Variants in ITPR2 observed in about 807,000 individuals in gnomAD.
The protein encoded by ITPR2 is inositol 1,4,5-trisphosphate receptor type 2.
A neutral mutation model predicts 317.1 loss-of-function variants in ITPR2; 207 were observed. That is an observed-to-expected ratio of 0.65 (90% CI 0.58 to 0.73). The LOEUF (loss-of-function observed/expected upper bound fraction) is 0.73, where lower values mean the gene tolerates loss of function less well. Ranked by LOEUF, ITPR2 falls within the 30% of genes least tolerant of loss-of-function variation. The pLI is 0.00. For synonymous variants in ITPR2, 1,156 were observed against 1,149.1 expected (o/e 1.01, Z -0.12); for missense variants, 2,613 against 3,284.0 (o/e 0.80, Z 4.99).
intron 37 of ITPR2, among the ~76,000 whole-genome samples, chr12:26,529,240 C>A (rs1943889316): frequency 6.6e-6 from 1 of 152,188 alleles, no homozygotes; most frequent in Non-Finnish European, 1.5e-5. Flanking sequence ...GAAACTCAGA[C>A]AACATCAAAG....
chr12:26,803,447 T>C (rs1950594930), intron 1 of ITPR2, among the ~76,000 whole-genome samples: 1 of 152,114 alleles, frequency 6.6e-6, no homozygotes, highest in East Asian at 1.9e-4. Flanking sequence ...AGTGATGATA[T>C]AGCAGAAAGA....
intron 34 of ITPR2, among the ~76,000 whole-genome samples, chr12:26,567,984 A>ATATATATATAT (rs1591910633): frequency 1.9e-4 from 2 of 10,798 alleles, no homozygotes; most frequent in Non-Finnish European, 4.8e-4. Context: ...TATATTATAT[A>ATATATATATAT]TATATATATA....
At chr12:26,580,709 TGGAAG>T (rs1565618048) in intron 32 of ITPR2, among the ~76,000 whole-genome samples, 1 of 152,116 alleles carries the variant, frequency 6.6e-6, no homozygotes, top group Admixed American at 6.6e-5. Context: ...CTAAGAAGCA[TGGAAG>T]TATAGGTTTG....
At chr12:26,510,461 A>G (rs1943312438) in intron 37 of ITPR2, among the ~76,000 whole-genome samples, 1 of 152,254 alleles carries the variant, frequency 6.6e-6, no homozygotes, top group Non-Finnish European at 1.5e-5. Flanking sequence ...ACCTGACCAC[A>G]CACCTGTTTA....
Position 26,443,566 on chromosome 12 carries a change from C to A in ITPR2, c.6427G>T (p.Ala2143Ser). 2.5e-6 allele frequency: 4 copies of A among 1,612,410 alleles called. No individual in the cohort carries two copies. The highest frequency in any genetic ancestry group is 1.1e-5 in the South Asian group (1 of 91,048). Reference sequence around the variant, plus strand: ...ACCTCAATCTGTGCAGTGTGGTTGGCATAATACTTTAAGGCTTCATCTCCT... The same window carrying A: ...ACCTCAATCTGTGCAGTGTGGTTGGAATAATACTTTAAGGCTTCATCTCCT... ...DEGDEALKYY[A>S]NHTAQIEIVR... Residue 2143 changes from alanine to serine, a missense_variant, in exon 46 of 57, where the codon GCC becomes TCC. Around this residue, in one of 9 missense-constraint regions of ITPR2, gnomAD observed 926 missense variants for 1,072.8 expected, o/e 0.86. Transcript: ENST00000381340.
chr12:26,704,614 A>C (rs558742848), intron 9 of ITPR2, among the ~76,000 whole-genome samples: 2 of 151,678 alleles, frequency 1.3e-5, no homozygotes, highest in Non-Finnish European at 2.9e-5. Flanking sequence ...TGATAATAAT[A>C]AAACACTACT....
rs78596394 is a variant in ITPR2, at chr12:26,396,314, T to C, written c.7696+2562A>G. On this transcript the variant is annotated intron_variant, in intron 54 of 56. Transcript: ENST00000381340. ...TTCCTGATCTCTCTCAGTTTCCTTC[T>C]AGCAAATCTCTACTCAGCACTGCAC... Among the ~76,000 whole-genome samples, 464 of 152,302 alleles carry C rather than the reference T, an allele frequency of 3.0e-3. 4 individuals carry two copies. Among genetic ancestry groups the C allele is most frequent in the African/African-American group, 0.011 (448 of 41,572 alleles).
chr12:26,501,424 A>G (rs543743785), intron 37 of ITPR2, among the ~76,000 whole-genome samples: 1 of 152,336 alleles, frequency 6.6e-6, no homozygotes, highest in African/African-American at 2.4e-5. Flanking sequence ...AATATGGTCA[A>G]TCTCCTATAA....
chr12:26,737,289 C>A (rs12811022), intron 2 of ITPR2, among the ~76,000 whole-genome samples: 3 of 150,962 alleles, frequency 2.0e-5, no homozygotes, highest in African/African-American at 7.3e-5. Flanking sequence ...TACGGAGCCT[C>A]GCTCTGTCAC....
In ITPR2 at chr12:26,610,928, C is replaced by T. The variant is rs115707493; in HGVS notation, c.3463-8222G>A. Among the ~76,000 whole-genome samples the T allele has an allele frequency of 4.7e-3, 719 of 152,276 alleles. 6 individuals carry two copies. The highest frequency in any genetic ancestry group is 0.017 in the African/African-American group (691 of 41,556). On this transcript the variant is annotated intron_variant, in intron 26 of 56. Transcript: ENST00000381340. ...AGCAAGAGAAGAGAAGGCACAGGTG[C>T]CCCCTCCTCCCATCTCCCCGCACAG... is the stretch of plus-strand genomic sequence containing the variant.
intron 39 of ITPR2, 106 bp downstream of exon 39, chr12:26,494,047 T>C (rs1942874033): frequency 2.1e-5 from 16 of 765,218 alleles, no homozygotes; most frequent in South Asian, 3.0e-5. Context: ...TTTTTTTAGA[T>C]AGTAATAAGA....
At chr12:26,684,100 A>C (rs1163919841) in intron 11 of ITPR2, among the ~76,000 whole-genome samples, 2 of 152,236 alleles carry the variant, frequency 1.3e-5, no homozygotes, top group Non-Finnish European at 2.9e-5. Flanking sequence ...GCAGTTCTCC[A>C]ATCTTTGTTC....
chr12:26,583,038 T>C (rs998117852), intron 32 of ITPR2, among the ~76,000 whole-genome samples: 3 of 152,114 alleles, frequency 2.0e-5, no homozygotes, highest in Non-Finnish European at 4.4e-5. Context: ...CAGGATCTAG[T>C]AATAATGCCT....
intron 4 of ITPR2, 78 bp from the exon 5 acceptor site, chr12:26,722,633 T>A: frequency 2.0e-6 from 2 of 984,764 alleles, no homozygotes; most frequent in Non-Finnish European, 3.0e-6. Context: ...TTTATACATG[T>A]ATCATATATT....
intron 18 of ITPR2, among the ~76,000 whole-genome samples, chr12:26,656,882 T>C (rs1947381301): frequency 6.6e-6 from 1 of 152,116 alleles, no homozygotes. Flanking sequence ...CATGAAACCA[T>C]CTCTCTCCAC....
intron 26 of ITPR2, among the ~76,000 whole-genome samples, chr12:26,607,730 T>C (rs751343177): frequency 3.3e-5 from 5 of 152,184 alleles, no homozygotes; most frequent in Non-Finnish European, 7.3e-5. Context: ...AGAGAATACA[T>C]ACATATCCAT....
Position 26,336,337 on chromosome 12 carries a change from T to C in ITPR2, c.*3060A>G, listed in dbSNP as rs1173657376. 6.6e-6 allele frequency among the ~76,000 whole-genome samples: 1 copy of C among 152,022 alleles called. No individual in the cohort carries two copies. Among genetic ancestry groups the C allele is most frequent in the Non-Finnish European group, 1.5e-5 (1 of 68,000 alleles). On this transcript the variant is annotated 3_prime_UTR_variant, in exon 57 of 57. Coordinates refer to ENST00000381340, the MANE Select transcript of ITPR2 (RefSeq NM_002223.4). ...TAAAGAGAGCAGCCAAAACAGGGAG[T>C]TATGAGCTGAGAATATGGGAATAAG...
intron 34 of ITPR2, among the ~76,000 whole-genome samples, chr12:26,568,006 T>TTA (rs71069253): frequency 0.068 from 505 of 7,462 alleles, 19 homozygotes; most frequent in Middle Eastern, 0.33. Flanking sequence ...ATTATATATA[T>TTA]TATATATATA....
At chr12:26,487,028 C>A (rs768928059) in intron 40 of ITPR2, 40 bp downstream of exon 40, 1 of 1,538,064 alleles carries the variant, frequency 6.5e-7, no homozygotes, top group East Asian at 2.3e-5. Context: ...CCCCTCTTTT[C>A]TCTCACTCTG....
Sources: gnomAD v4.1 joint callset for allele counts (sites outside exome capture counted in the v4.1 genomes callset) on GRCh38, gnomAD v4.1.1 for gene constraint, gnomAD v4.1.1 regional missense constraint, MANE v1.5 for transcripts, NCBI Gene and HGNC (gene_info 2026-07-23, HGNC 2026-07-21) for gene names.